The following AOPEP variants were observed in gnomAD, a reference collection of about 807,000 sequenced individuals.
AOPEP encodes aminopeptidase O (putative).
Under a neutral mutation model 98.1 loss-of-function variants are expected in AOPEP, and 77 were observed. That is an observed-to-expected ratio of 0.78 (90% CI 0.65 to 0.95). The LOEUF (loss-of-function observed/expected upper bound fraction) is 0.95, where lower values mean the gene tolerates loss of function less well. AOPEP is among the 40% of genes least tolerant of loss of function. The pLI is 0.00. For missense variants in AOPEP, 1,024 were observed against 1,024.7 expected (o/e 1.00, Z 0.01); for synonymous variants, 346 against 365.3 (o/e 0.95, Z 0.60).
chr9:95,043,267 TATCTGTATATATGTACAGATAC>T (rs1315332833), intron 13 of AOPEP, among the ~76,000 whole-genome samples: 1 of 150,484 alleles, frequency 6.6e-6, no homozygotes, highest in African/African-American at 2.4e-5. Context: ...TATACATATA[TATCTGTATATATGTACAGATAC>T]ATCTGTATAT....
At chr9:94,817,008 CT>C (rs948518170) in intron 5 of AOPEP, among the ~76,000 whole-genome samples, 2 of 151,906 alleles carry the variant, frequency 1.3e-5, no homozygotes, top group African/African-American at 2.4e-5. Flanking sequence ...ATTCTGTTTC[CT>C]TTTTTTTCCT....
chr9:95,093,213 C>G, the AOPEP span, among the ~76,000 whole-genome samples: 13 of 152,154 alleles, frequency 8.5e-5, no homozygotes, highest in Non-Finnish European at 1.9e-4. Context: ...GACTTGCGTA[C>G]AGGAGGAAAG....
chr9:94,802,901 A>G (rs1188848126), intron 5 of AOPEP, among the ~76,000 whole-genome samples: 2 of 152,022 alleles, frequency 1.3e-5, no homozygotes, highest in African/African-American at 2.4e-5. Context: ...CTGTTTTTCC[A>G]AACTCTGGCT....
chr9:95,036,240 T>A (rs2064806950), intron 13 of AOPEP, among the ~76,000 whole-genome samples: 1 of 152,352 alleles, frequency 6.6e-6, no homozygotes, highest in African/African-American at 2.4e-5. Context: ...CTTAAGATTT[T>A]ACCACTGATT....
intron 5 of AOPEP, among the ~76,000 whole-genome samples, chr9:94,807,363 A>C (rs578104946): frequency 6.6e-6 from 1 of 152,230 alleles, no homozygotes; most frequent in African/African-American, 2.4e-5. Flanking sequence ...TTCTCCCCAC[A>C]CAAAGACTGA....
At chr9:94,813,708 C>T (rs919784254) in intron 5 of AOPEP, among the ~76,000 whole-genome samples, 9 of 152,228 alleles carry the variant, frequency 5.9e-5, no homozygotes, top group Admixed American at 5.9e-4. Context: ...TTCTATAGCT[C>T]TTGGCCTCTG....
At chr9:94,848,124 T>C (rs1228207203) in intron 5 of AOPEP, among the ~76,000 whole-genome samples, 1 of 152,110 alleles carries the variant, frequency 6.6e-6, no homozygotes, top group Non-Finnish European at 1.5e-5. Context: ...GAAGAGAGGA[T>C]CTCACCAGCA....
intron 13 of AOPEP, among the ~76,000 whole-genome samples, chr9:95,053,237 GA>G (rs994426787): frequency 1.3e-5 from 2 of 152,226 alleles, no homozygotes; most frequent in African/African-American, 2.4e-5. Context: ...AAAATGGACA[GA>G]GGGGAAGCCA....
chr9:94,924,493 T>C (rs571631540), intron 6 of AOPEP, among the ~76,000 whole-genome samples: 1 of 152,326 alleles, frequency 6.6e-6, no homozygotes, highest in East Asian at 1.9e-4. Flanking sequence ...AAGGAGATAT[T>C]TGAGCAGAGA....
chr9:94,921,247 G>A (rs191815127), intron 5 of AOPEP: 1 of 152,372 alleles, frequency 6.6e-6, no homozygotes, highest in East Asian at 1.9e-4. Flanking sequence ...CTTGTCAGGG[G>A]GAAGACTGAT....
the AOPEP span, among the ~76,000 whole-genome samples, chr9:95,108,524 T>C: frequency 6.6e-6 from 1 of 152,262 alleles, no homozygotes; most frequent in Admixed American, 6.5e-5. Flanking sequence ...TGGCCCAGAC[T>C]GTCTTTCCCT....
intron 3 of AOPEP, among the ~76,000 whole-genome samples, chr9:94,786,382 T>C (rs1333468474): frequency 6.6e-6 from 1 of 152,232 alleles, no homozygotes; most frequent in African/African-American, 2.4e-5. Context: ...GAGGTGGAAC[T>C]CAATGAATGG....
At chr9:94,807,540 G>A (rs760448979) in intron 5 of AOPEP, among the ~76,000 whole-genome samples, 1 of 152,154 alleles carries the variant, frequency 6.6e-6, no homozygotes, top group Non-Finnish European at 1.5e-5. Context: ...GAGACGGCCA[G>A]TCAGCACCAC....
chr9:94,912,075 C>T (rs918076257), intron 5 of AOPEP, among the ~76,000 whole-genome samples: 3 of 152,044 alleles, frequency 2.0e-5, no homozygotes, highest in South Asian at 2.1e-4. Flanking sequence ...TCTGACCTGA[C>T]GAGCTGTAAA....
intron 5 of AOPEP, among the ~76,000 whole-genome samples, chr9:94,803,179 T>C (rs356122): frequency 0.22 from 33,277 of 152,134 alleles, 5,128 homozygotes; most frequent in African/African-American, 0.43. Context: ...TGCCATTGTC[T>C]TCTTAGTTAT....
intron 13 of AOPEP, among the ~76,000 whole-genome samples, chr9:95,026,904 C>T (rs1384386379): frequency 6.6e-6 from 1 of 152,122 alleles, no homozygotes; most frequent in African/African-American, 2.4e-5. Flanking sequence ...TTCTTAGGTA[C>T]AGAAGAAAGC....
chr9:94,872,885 T>A (rs1184346967), intron 5 of AOPEP, among the ~76,000 whole-genome samples: 2 of 152,144 alleles, frequency 1.3e-5, no homozygotes, highest in Non-Finnish European at 2.9e-5. Flanking sequence ...ACGGGAGGCA[T>A]CCAGAGAGCT....
Position 94,928,529 on chromosome 9 carries a change from A to C in AOPEP, c.1659A>C (p.Leu553Phe). ...GCTCCCCCGAGGAGATGCAGGTGTT[A>C]AGGTAAAGCTGCATGGTGATCCACA... ...MQCSPEEMQV[L>F]RPSKDKTGHT... The change falls in exon 7 of 17, where the codon TTA (leucine) becomes TTC (phenylalanine). Residue 553 changes from leucine (L) to phenylalanine (F), a missense_variant and splice_region_variant. This residue lies in a region of AOPEP where 566 missense variants were observed against 551.7 expected (regional missense o/e 1.03). Coordinates refer to ENST00000375315, the MANE Select transcript of AOPEP (RefSeq NM_001193329.3). The C allele has an allele frequency of 1.3e-6, 2 of 1,547,280 alleles. No individual in the cohort carries two copies. The highest frequency in any genetic ancestry group is 1.4e-5 in the African/African-American group (1 of 73,066).
intron 1 of AOPEP, 141 bp downstream of exon 1, chr9:94,726,892 A>C (rs1362537349): frequency 6.6e-6 from 1 of 152,578 alleles, no homozygotes; most frequent in African/African-American, 2.4e-5. Context: ...GAGGACCCGC[A>C]TCCCCTCCTC....
Sources: gnomAD v4.1 joint callset for allele counts (sites outside exome capture counted in the v4.1 genomes callset) on GRCh38, gnomAD v4.1.1 for gene constraint, gnomAD v4.1.1 regional missense constraint, MANE v1.5 for transcripts, NCBI Gene and HGNC (gene_info 2026-07-23, HGNC 2026-07-21) for gene names.